INPP4B: variants seen among roughly 807,000 people sequenced by gnomAD.
INPP4B encodes inositol polyphosphate-4-phosphatase type II B, also known as inositol polyphosphate 4-phosphatase type II.
In INPP4B, 55 loss-of-function variants were observed where a neutral mutation model predicts 122.5. The observed-to-expected ratio is 0.45, with a 90% CI of 0.36 to 0.56. The LOEUF is 0.56. Ranked by LOEUF, INPP4B falls within the 20% of genes least tolerant of loss-of-function variation. The probability of loss-of-function intolerance (pLI) is 0.00; values close to 1 mark genes in which losing one functional copy is unlikely to be tolerated. For missense variants in INPP4B, 1,000 were observed against 1,097.7 expected (o/e 0.91, Z 1.26); for synonymous variants, 403 against 388.7 (o/e 1.04, Z -0.43).
rs578201318 is a variant in INPP4B at position 142,843,435 on chromosome 4, A to T, written c.-254+2774T>A. On this transcript the variant is annotated intron_variant, in intron 1 of 25. Transcript: ENST00000262992. ...TTAAGGCTTTAGAAAGATATACAGG[A>T]CATGTTGAAAAACTAAGGTACATAA... Among the ~76,000 whole-genome samples the T allele has an allele frequency of 9.4e-4, 143 of 152,048 alleles. 1 individual carries two copies. Among genetic ancestry groups the T allele is most frequent in the African/African-American group, 3.4e-3 (142 of 41,550 alleles).
intron 2 of INPP4B, among the ~76,000 whole-genome samples, chr4:142,628,819 C>G (rs1023848573): frequency 6.6e-6 from 1 of 151,884 alleles, no homozygotes; most frequent in South Asian, 2.1e-4. Context: ...AAGATAAACG[C>G]AAATAAGTGC....
chr4:142,613,560 C>T (rs1001440513), intron 2 of INPP4B, among the ~76,000 whole-genome samples: 1 of 152,154 alleles, frequency 6.6e-6, no homozygotes, highest in Non-Finnish European at 1.5e-5. Context: ...ATCTAAAATT[C>T]ACAACACATA....
intron 7 of INPP4B, among the ~76,000 whole-genome samples, chr4:142,330,427 G>C (rs570300287): frequency 2.0e-5 from 3 of 152,122 alleles, no homozygotes; most frequent in African/African-American, 7.2e-5. Context: ...AGCAAGAGTG[G>C]TAACTGCCTG....
intron 3 of INPP4B, among the ~76,000 whole-genome samples, chr4:142,459,289 G>GAAAAAAAAAAAAAAAAA (rs201442354): frequency 1.0e-5 from 1 of 97,084 alleles, no homozygotes; most frequent in Non-Finnish European, 2.5e-5. Flanking sequence ...ACAAACAAAT[G>GAAAAAAAAAAAAAAAAA]AAAAAAAAAA....
At chr4:142,127,851 T>G (rs1799313190) in intron 18 of INPP4B, among the ~76,000 whole-genome samples, 1 of 152,136 alleles carries the variant, frequency 6.6e-6, no homozygotes, top group African/African-American at 2.4e-5. Flanking sequence ...CCAATGCCAA[T>G]GACTCCAGGT....
At chr4:142,666,267 T>C (rs982210946) in intron 2 of INPP4B, among the ~76,000 whole-genome samples, 4 of 152,140 alleles carry the variant, frequency 2.6e-5, no homozygotes, top group Non-Finnish European at 4.4e-5. Context: ...CAGTTTATTT[T>C]TGCAACAAGA....
chr4:142,459,580 T>C (rs550243781), intron 3 of INPP4B, among the ~76,000 whole-genome samples: 1 of 152,296 alleles, frequency 6.6e-6, no homozygotes, highest in South Asian at 2.1e-4. Flanking sequence ...AATCTGATGG[T>C]AGCAGTGCAT....
chr4:142,096,994 T>C (rs1409333381), intron 23 of INPP4B, among the ~76,000 whole-genome samples: 1 of 152,048 alleles, frequency 6.6e-6, no homozygotes, highest in East Asian at 1.9e-4. Flanking sequence ...TATTTCTTAA[T>C]CTATGTCCTG....
intron 14 of INPP4B, among the ~76,000 whole-genome samples, chr4:142,207,876 T>C (rs995534350): frequency 2.6e-5 from 4 of 152,212 alleles, no homozygotes; most frequent in African/African-American, 7.2e-5. Flanking sequence ...TCTGGACCAC[T>C]TTCAGGTACA....
rs1036343581 is a variant in INPP4B at position 142,837,372 on chromosome 4, T to A, written c.-254+8837A>T. On this transcript the variant is annotated intron_variant, in intron 1 of 25. Coordinates refer to ENST00000262992, the MANE Select transcript of INPP4B (RefSeq NM_001101669.3). The stretch of plus-strand genomic sequence containing the variant: ...ATACAGTCTTGTTACATGGATATAT[T>A]GCATAGTACTTTAAAGCCTAGACTT... 2.0e-5 allele frequency among the ~76,000 whole-genome samples: 3 copies of A among 152,144 alleles called. No individual in the cohort carries two copies. In the East Asian group the frequency reaches 5.8e-4, roughly 29 times the overall value.
chr4:142,754,785 G>A (rs928445385), intron 1 of INPP4B, among the ~76,000 whole-genome samples: 20 of 151,940 alleles, frequency 1.3e-4, no homozygotes, highest in African/African-American at 2.4e-4. Flanking sequence ...GAGAATAGGC[G>A]TCAGATAAAA....
chr4:142,508,285 T>C (rs1210977715), intron 2 of INPP4B, among the ~76,000 whole-genome samples: 1 of 152,154 alleles, frequency 6.6e-6, no homozygotes, highest in Admixed American at 6.6e-5. Flanking sequence ...CCTCTGCCTC[T>C]TGTTTCAGCA....
intron 2 of INPP4B, among the ~76,000 whole-genome samples, chr4:142,631,193 G>A (rs13109603): frequency 0.65 from 98,626 of 151,964 alleles, 33,317 homozygotes; most frequent in East Asian, 0.81. Flanking sequence ...AGCTTATTAT[G>A]TTCAAAGAGA....
At chr4:142,635,774 G>A (rs1291386955) in intron 2 of INPP4B, among the ~76,000 whole-genome samples, 1 of 151,982 alleles carries the variant, frequency 6.6e-6, no homozygotes, top group Non-Finnish European at 1.5e-5. Context: ...TTAATACCTT[G>A]GTGATGAAAT....
chr4:142,396,860 G>T (rs1415483342), intron 7 of INPP4B, among the ~76,000 whole-genome samples: 3 of 152,110 alleles, frequency 2.0e-5, no homozygotes, highest in East Asian at 1.9e-4. Flanking sequence ...AAAACTATAA[G>T]ATTTCATTCA....
At chr4:142,407,976 A>G (rs1387033853) in intron 5 of INPP4B, among the ~76,000 whole-genome samples, 2 of 152,180 alleles carry the variant, frequency 1.3e-5, no homozygotes, top group African/African-American at 4.8e-5. Context: ...ATTGTGTAAA[A>G]TTGTTTTTAT....
chr4:142,568,158 T>A (rs1732050655), intron 2 of INPP4B, among the ~76,000 whole-genome samples: 1 of 152,086 alleles, frequency 6.6e-6, no homozygotes, highest in Non-Finnish European at 1.5e-5. Context: ...TTATTCTTTT[T>A]TTTTTTTCCA....
chr4:142,108,094 A>C lies in INPP4B; in HGVS notation c.2373T>G (p.Asp791Glu). The change falls in exon 23 of 26, where the codon GAT becomes GAG. Residue 791 changes from aspartate to glutamate, a missense_variant and splice_region_variant. Transcript: ENST00000262992. ...YKIFMEKMPP[D>E]YISHFQEQND... ...GTCTTCTCTAACTCACATACTTACA[A>C]TCAGGAGGCATCTTTTCCATAAATA... 6.9e-7 allele frequency: 1 copy of C among 1,455,452 alleles called. No homozygotes were observed. The highest frequency in any genetic ancestry group is 1.7e-5 in the Admixed American group (1 of 58,758). The allele number at this position is 1,455,452 out of a possible 1,614,324, so 90.2% of individuals were successfully genotyped here.
At chr4:142,312,126 G>C (rs186701213) in intron 8 of INPP4B, among the ~76,000 whole-genome samples, 1 of 152,148 alleles carries the variant, frequency 6.6e-6, no homozygotes, top group South Asian at 2.1e-4. Flanking sequence ...AATTATAGCC[G>C]AGTTTTTTCA....
Sources: allele counts gnomAD v4.1 joint callset (sites outside exome capture counted in the v4.1 genomes callset), GRCh38; gene constraint gnomAD v4.1.1; transcripts MANE v1.5; gene names NCBI Gene and HGNC (gene_info 2026-07-23, HGNC 2026-07-21).